CA5A: variants seen among roughly 807,000 people sequenced by gnomAD.
CA5A encodes carbonic anhydrase 5A, mitochondrial.
Under a neutral mutation model 37.1 loss-of-function variants are expected in CA5A, and 28 were observed. The observed-to-expected ratio is 0.75, with a 90% CI of 0.56 to 1.03. The LOEUF is 1.03. Among genes scored for constraint, CA5A ranks in the 50% least tolerant of loss-of-function variants. CA5A has a pLI of 0.00. For synonymous variants in CA5A, 171 were observed against 158.4 expected (o/e 1.08, Z -0.60); for missense variants, 444 against 399.9 (o/e 1.11, Z -0.94).
chr16:87,912,174 C>T (rs938334364), intron 2 of CA5A, among the ~76,000 whole-genome samples: 2 of 152,006 alleles, frequency 1.3e-5, no homozygotes, highest in Admixed American at 6.6e-5. Context: ...TGGTGGCACG[C>T]GACTGTAGTG....
chr16:87,929,848 G>A (rs1271974423), intron 1 of CA5A, among the ~76,000 whole-genome samples: 1 of 110,180 alleles, frequency 9.1e-6, no homozygotes, highest in Non-Finnish European at 1.7e-5. Flanking sequence ...CTCCAGCCTG[G>A]GCAATACAGC....
chr16:87,920,166 A>G (rs1212538088), intron 2 of CA5A, among the ~76,000 whole-genome samples: 1 of 151,988 alleles, frequency 6.6e-6, no homozygotes, highest in African/African-American at 2.4e-5. Context: ...TAGCCAACTC[A>G]CCCCTCACCC....
intron 1 of CA5A, among the ~76,000 whole-genome samples, chr16:87,929,741 G>A (rs1016125375): frequency 1.6e-4 from 24 of 150,678 alleles, no homozygotes; most frequent in Admixed American, 2.6e-4. Flanking sequence ...GCGTGGTGGC[G>A]GGCGCCTGTA....
At chr16:87,931,927 C>T (rs1299938120) in intron 1 of CA5A, among the ~76,000 whole-genome samples, 1 of 152,220 alleles carries the variant, frequency 6.6e-6, no homozygotes. Flanking sequence ...CCTGAACTTC[C>T]ATTGACTGTT....
chr16:87,928,740 T>G (rs1050497847), intron 1 of CA5A, among the ~76,000 whole-genome samples: 1 of 100,956 alleles, frequency 9.9e-6, no homozygotes, highest in Admixed American at 1.2e-4. Flanking sequence ...TATTCTCATC[T>G]GGATTATTTT....
At chr16:87,930,612 T>C (rs530905041) in intron 1 of CA5A, among the ~76,000 whole-genome samples, 36 of 151,928 alleles carry the variant, frequency 2.4e-4, no homozygotes, top group Non-Finnish European at 3.8e-4. Flanking sequence ...CCTGTCAGGC[T>C]GGGTGGGGAG....
At chr16:87,890,641 A>C (rs187463523) in intron 6 of CA5A, among the ~76,000 whole-genome samples, 18 of 152,250 alleles carry the variant, frequency 1.2e-4, no homozygotes, top group African/African-American at 4.3e-4. Context: ...TTTGAGGCAG[A>C]GTGTCACTCT....
intron 2 of CA5A, among the ~76,000 whole-genome samples, chr16:87,912,069 AG>A (rs1683425178): frequency 6.6e-6 from 1 of 152,304 alleles, no homozygotes; most frequent in Admixed American, 6.5e-5. Context: ...TGGGAGGCTG[AG>A]GCGGGCAGAT....
intron 3 of CA5A, among the ~76,000 whole-genome samples, chr16:87,903,053 G>A (rs1325685041): frequency 6.6e-6 from 1 of 152,158 alleles, no homozygotes; most frequent in Non-Finnish European, 1.5e-5. Flanking sequence ...GGAAAGGAGA[G>A]GATCATGTTA....
intron 4 of CA5A, among the ~76,000 whole-genome samples, 175 bp from the exon 5 acceptor site, chr16:87,902,149 T>C (rs1356213126): frequency 2.0e-5 from 3 of 150,994 alleles, no homozygotes; most frequent in Non-Finnish European, 4.4e-5. Context: ...AGGTCAGGAG[T>C]TCGAAACCAG....
At chr16:87,922,431 AGCCTGG>A (rs2056243548) in intron 2 of CA5A, among the ~76,000 whole-genome samples, 1 of 152,204 alleles carries the variant, frequency 6.6e-6, no homozygotes, top group South Asian at 2.1e-4. Flanking sequence ...CTAAAGCCTG[AGCCTGG>A]GTTCCCTTGG....
At chr16:87,904,449 A>G (rs1361853650) in intron 3 of CA5A, among the ~76,000 whole-genome samples, 1 of 152,220 alleles carries the variant, frequency 6.6e-6, no homozygotes, top group African/African-American at 2.4e-5. Flanking sequence ...TGGATTTGCT[A>G]GTCCCTACAG....
At chr16:87,931,439 C>A (rs181409945) in intron 1 of CA5A, among the ~76,000 whole-genome samples, 17 of 152,302 alleles carry the variant, frequency 1.1e-4, no homozygotes, top group African/African-American at 4.1e-4. Flanking sequence ...AAGTTTTACA[C>A]ATTGTGCAGT....
intron 3 of CA5A, among the ~76,000 whole-genome samples, chr16:87,903,813 G>A (rs752036959): frequency 6.6e-6 from 1 of 152,158 alleles, no homozygotes; most frequent in Non-Finnish European, 1.5e-5. Context: ...GTGTGATAAA[G>A]TGAATATGGC....
intron 2 of CA5A, among the ~76,000 whole-genome samples, chr16:87,919,453 C>T (rs898288505): frequency 1.4e-4 from 22 of 152,212 alleles, no homozygotes; most frequent in Non-Finnish European, 2.6e-4. Flanking sequence ...AAAGAGGCGA[C>T]ATCGCTCCAC....
At chr16:87,935,862 C>A (rs181227124) in intron 1 of CA5A, among the ~76,000 whole-genome samples, 1 of 151,020 alleles carries the variant, frequency 6.6e-6, no homozygotes, top group African/African-American at 2.4e-5. Context: ...GGCAAAAGAG[C>A]AAAACTTCAT....
At chr16:87,928,796 T>A (rs1180867530) in intron 1 of CA5A, among the ~76,000 whole-genome samples, 10 of 133,004 alleles carry the variant, frequency 7.5e-5, no homozygotes, top group African/African-American at 2.9e-4. Context: ...TGAGACGGAG[T>A]CTCACTCGGT....
At chr16:87,888,539 T>C (rs1052226912) in intron 6 of CA5A, among the ~76,000 whole-genome samples, 8 of 152,086 alleles carry the variant, frequency 5.3e-5, no homozygotes, top group African/African-American at 1.2e-4. Context: ...GAGAGGCCCA[T>C]AGGGAGAGGA....
intron 1 of CA5A, among the ~76,000 whole-genome samples, chr16:87,932,214 C>G (rs1052231007): frequency 2.0e-5 from 3 of 152,188 alleles, no homozygotes; most frequent in Non-Finnish European, 2.9e-5. Context: ...GCCGCTGCCT[C>G]CAGTCCTACC....
Sources: allele counts gnomAD v4.1 joint callset (sites outside exome capture counted in the v4.1 genomes callset), GRCh38; gene constraint gnomAD v4.1.1; transcripts MANE v1.5; gene names NCBI Gene and HGNC (gene_info 2026-07-23, HGNC 2026-07-21).